The following IGSF10 variants were observed in gnomAD, a reference collection of about 807,000 sequenced individuals.
IGSF10 encodes the protein calvaria mechanical force protein 608.
IGSF10 carries 126 observed loss-of-function variants against 128.2 expected under a neutral mutation model. That is an observed-to-expected ratio of 0.98 (90% confidence interval 0.85 to 1.14). The LOEUF (loss-of-function observed/expected upper bound fraction) is 1.14, where lower values mean the gene tolerates loss of function less well. Among genes scored for constraint, IGSF10 ranks in the 50% most tolerant of loss-of-function variants. IGSF10 has a pLI of 0.00. For synonymous variants in IGSF10, 1,185 were observed against 1,146.2 expected, an observed-to-expected ratio of 1.03 and a Z score of -0.68; for missense variants, 3,295 against 3,149.8, an observed-to-expected ratio of 1.05 and a Z score of -1.10.
At chr3:151,496,268 T>C in the IGSF10 span, among the ~76,000 whole-genome samples, 5 of 151,716 alleles carry the variant, frequency 3.3e-5, no homozygotes, top group South Asian at 1.0e-3. Context: ...TACCTATGTA[T>C]ACATGTGCCA....
the IGSF10 span, among the ~76,000 whole-genome samples, chr3:151,597,009 T>G: frequency 5.6e-5 from 8 of 142,348 alleles, no homozygotes; most frequent in South Asian, 2.2e-4. Context: ...GTTTCCGGGG[T>G]TTTTTTTTTT....
Position 151,446,434 on chromosome 3 carries a change from C to G in IGSF10, c.3547G>C (p.Gly1183Arg). The change falls in exon 6 of 8, where the codon GGT becomes CGT. Residue 1183 changes from glycine to arginine, a missense_variant. Physicochemically the swap from Gly to Arg is moderately radical, Grantham distance 125. Coordinates refer to ENST00000282466, the MANE Select transcript of IGSF10 (RefSeq NM_178822.5). ...GTCATTGGTGGCTTGGTGATAGCAC[C>G]TGAAAGTGACGATGTAATCACTGAA... ...RDSVITSSLS[G>R]AITKPPMTII... 1 of 1,614,040 alleles carries G rather than the reference C, an allele frequency of 6.2e-7. No homozygotes were observed. The highest frequency in any genetic ancestry group is 8.5e-7 in the Non-Finnish European group (1 of 1,179,944).
At chr3:151,528,594 A>G in the IGSF10 span, among the ~76,000 whole-genome samples, 130,493 of 152,190 alleles carry the variant, frequency 0.86, 56,153 homozygotes, top group Middle Eastern at 0.95. Context: ...CCTGGAACGT[A>G]CAAAGGGTTG....
At chr3:151,619,470 GTGTA>G in the IGSF10 span, among the ~76,000 whole-genome samples, 2 of 143,746 alleles carry the variant, frequency 1.4e-5, no homozygotes, top group African/African-American at 2.6e-5. Context: ...GTGTGTGTGT[GTGTA>G]TGTAGTGGAA....
At chr3:151,522,882 G>T in the IGSF10 span, among the ~76,000 whole-genome samples, 4 of 152,092 alleles carry the variant, frequency 2.6e-5, no homozygotes, top group Non-Finnish European at 4.4e-5. Context: ...AGGAGGAGAG[G>T]AAGTCAGACT....
chr3:151,436,965 A>G lies in IGSF10; in HGVS notation c.7596T>C (p.Asn2532=). 6.2e-7 allele frequency: 1 copy of G among 1,614,194 alleles called. No homozygotes were observed. The highest frequency in any genetic ancestry group is 8.5e-7 in the Non-Finnish European group (1 of 1,180,020). Residue 2532 remains asparagine (N), a synonymous_variant, in exon 8 of 8, where the codon AAT becomes AAC. Transcript: ENST00000282466. The part of the protein sequence containing the change: ...MIVAYPPRIT[N]RPPRSIVTRT... ...TGGTGACAATACTCCTGGGTGGACG[A>G]TTTGTAATTCGGGGAGGGTAGGCTA...
At chr3:151,573,887 T>A in the IGSF10 span, among the ~76,000 whole-genome samples, 1 of 152,254 alleles carries the variant, frequency 6.6e-6, no homozygotes, top group Admixed American at 6.5e-5. Context: ...TTTCCATGTT[T>A]AGTGCTTCCT....
At chr3:151,507,963 T>A in the IGSF10 span, among the ~76,000 whole-genome samples, 1 of 152,094 alleles carries the variant, frequency 6.6e-6, no homozygotes, top group Non-Finnish European at 1.5e-5. Flanking sequence ...TATCAATAAA[T>A]AATTGGAAGA....
upstream of IGSF10, among the ~76,000 whole-genome samples, chr3:151,464,886 C>T (rs1461393195): frequency 6.6e-6 from 1 of 152,176 alleles, no homozygotes; most frequent in Non-Finnish European, 1.5e-5. Flanking sequence ...ACAGTTGCAA[C>T]TCAACCAACT....
intron 2 of IGSF10, among the ~76,000 whole-genome samples, chr3:151,459,684 G>C (rs1721961337): frequency 6.6e-6 from 1 of 152,106 alleles, no homozygotes; most frequent in African/African-American, 2.4e-5. Flanking sequence ...AAAAAAAATG[G>C]TATCTGTTAC....
chr3:151,600,041 G>T, the IGSF10 span, among the ~76,000 whole-genome samples: 12 of 152,280 alleles, frequency 7.9e-5, no homozygotes, highest in Admixed American at 3.3e-4. Flanking sequence ...TAAGTTGTCT[G>T]TATCATTTTC....
the IGSF10 span, among the ~76,000 whole-genome samples, chr3:151,603,324 C>T: frequency 5.3e-5 from 8 of 152,126 alleles, no homozygotes; most frequent in Admixed American, 1.3e-4. Flanking sequence ...GAATAATAAC[C>T]GAACCTATTC....
At chr3:151,546,416 T>C in the IGSF10 span, among the ~76,000 whole-genome samples, 1 of 152,176 alleles carries the variant, frequency 6.6e-6, no homozygotes, top group Non-Finnish European at 1.5e-5. Flanking sequence ...GGTGTAATTA[T>C]GGCTCACCAT....
At chr3:151,548,710 T>C in the IGSF10 span, among the ~76,000 whole-genome samples, 1 of 152,180 alleles carries the variant, frequency 6.6e-6, no homozygotes, top group Non-Finnish European at 1.5e-5. Flanking sequence ...CAAATTGTTT[T>C]GGCAGTGATA....
the IGSF10 span, among the ~76,000 whole-genome samples, chr3:151,546,633 G>A: frequency 5.9e-5 from 9 of 151,886 alleles, no homozygotes; most frequent in African/African-American, 1.9e-4. Flanking sequence ...CATGCCTGGC[G>A]TATGTTTATT....
At position 151,445,604 on chromosome 3, in the gene IGSF10, G is replaced by A; in HGVS notation, c.4377C>T (p.His1459=). The A allele has an allele frequency of 6.2e-7, 1 of 1,614,196 alleles. No homozygotes were observed. The highest frequency in any genetic ancestry group is 8.5e-7 in the Non-Finnish European group (1 of 1,180,012). Residue 1459 remains histidine, a synonymous_variant, in exon 6 of 8, where the codon CAC becomes CAT. Transcript: ENST00000282466. ...TGCTCAAGAATGGTGGTATGGTTGA[G>A]TGTCTAATGATTGCTTTCCTAGTTG... ...STTTRKAIIR[H]STIPPFLSSS... is the part of the protein sequence containing the mutation.
the IGSF10 span, among the ~76,000 whole-genome samples, chr3:151,618,830 T>C: frequency 6.6e-6 from 1 of 150,816 alleles, no homozygotes; most frequent in African/African-American, 2.4e-5. Flanking sequence ...TTATACTGTT[T>C]TACTATGTAT....
chr3:151,606,101 T>G, the IGSF10 span, among the ~76,000 whole-genome samples: 1 of 152,304 alleles, frequency 6.6e-6, no homozygotes, highest in African/African-American at 2.4e-5. Flanking sequence ...GTGGGCTCCT[T>G]ATTCTGCTGT....
the IGSF10 span, among the ~76,000 whole-genome samples, chr3:151,579,887 G>T: frequency 2.6e-5 from 4 of 150,984 alleles, no homozygotes; most frequent in South Asian, 6.3e-4. Context: ...AGGAAGGAAG[G>T]AAGGAAGGAA....
Sources: allele counts gnomAD v4.1 joint callset (sites outside exome capture counted in the v4.1 genomes callset), GRCh38; gene constraint gnomAD v4.1.1; transcripts MANE v1.5; gene names NCBI Gene and HGNC (gene_info 2026-07-23, HGNC 2026-07-21).